MAST3: variants seen among roughly 807,000 people sequenced by gnomAD.
MAST3 encodes microtubule associated serine/threonine kinase 3.
A neutral mutation model predicts 127.0 loss-of-function variants in MAST3; 43 were observed. The observed-to-expected ratio is 0.34, with a 90% CI of 0.27 to 0.44. The LOEUF (loss-of-function observed/expected upper bound fraction) is 0.44. MAST3 is among the 20% of genes least tolerant of loss of function. MAST3 has a pLI of 1.00. For missense variants in MAST3, 1,390 were observed against 1,919.1 expected, an observed-to-expected ratio of 0.72 and a Z score of 5.15; for synonymous variants, 785 against 809.2, an observed-to-expected ratio of 0.97 and a Z score of 0.51.
intron 1 of MAST3, among the ~76,000 whole-genome samples, chr19:18,104,473 G>T (rs981336559): frequency 6.6e-6 from 1 of 152,020 alleles, no homozygotes; most frequent in Non-Finnish European, 1.5e-5. Context: ...CGCCTCTCCC[G>T]GGAGACCTTG....
chr19:18,144,793 G>C lies in MAST3; in HGVS notation c.2812+100G>C. On this transcript the variant is annotated intron_variant, in intron 23 of 27. Transcript: ENST00000687212. This position sits in a 1 kb window ranked among gnomAD's most constrained non-coding sequence, Gnocchi z 4.0. ...TTGGGGAGGCTGGGGATGAGCCCCA[G>C]AAGAGGGGAGGAGGAGTAGGACACA... The C allele has an allele frequency of 2.3e-6, 3 of 1,287,562 alleles. No homozygotes were observed. The highest frequency in any genetic ancestry group is 3.3e-6 in the Non-Finnish European group (3 of 905,496). The allele number at this position is 1,287,562 out of a possible 1,614,324, so 79.8% of individuals were successfully genotyped here.
rs368255405 is a variant in MAST3 at position 18,149,252 on chromosome 19, T to C, written c.3570T>C (p.Ala1190=). ...PSSSSPASPA[A]AGHTRPSSLH... ...CCAGCAGCCCCGCCTCCCCAGCTGC[T>C]GCTGGCCACACCCGCCCCAGCTCCC... Residue 1190 remains alanine (A), a synonymous_variant, in exon 28 of 28, where the codon GCT becomes GCC. Coordinates refer to ENST00000687212, the MANE Select transcript of MAST3 (RefSeq NM_001393504.1). The surrounding 1 kb of genome is among the most constrained non-coding windows in gnomAD (Gnocchi z 5.9). 354 of 1,549,496 alleles carry C rather than the reference T, an allele frequency of 2.3e-4. No homozygotes were observed. The African/African-American group carries it at 4.6e-3, about 20-fold the overall frequency.
rs560450012 is a variant in MAST3, at chr19:18,147,053, G to C, written c.3326+9G>C. 1.0e-5 allele frequency: 16 copies of C among 1,528,426 alleles called. No homozygotes were observed. In the South Asian group the frequency reaches 1.5e-4, roughly 14 times the overall value. 94.7% of individuals were successfully genotyped at this position (1,528,426 alleles called of 1,614,324 possible). The stretch of plus-strand genomic sequence containing the variant: ...GTGACCACCAGGGAGCGGTACACAG[G>C]GGGCGGGGCCACGGGGACTGGGGTT... On this transcript the variant is annotated intron_variant, in intron 26 of 27. Coordinates refer to ENST00000687212, the MANE Select transcript of MAST3 (RefSeq NM_001393504.1).
chr19:18,107,618 G>T lies in MAST3; in HGVS notation c.71G>T (p.Gly24Val). 1 of 1,612,386 alleles carries T rather than the reference G, an allele frequency of 6.2e-7. No homozygotes were observed. The highest frequency in any genetic ancestry group is 8.5e-7 in the Non-Finnish European group (1 of 1,179,222). ...CTGAGCCTGCCACGCCGAGGACGTG[G>T]GTGAGTTCACCTGGGACTGGCGGGC... ...KELSLPRRGR[G>V]LSPSSQSPSL... The change falls in exon 2 of 28, where the codon GGT becomes GTT. Residue 24 changes from glycine to valine, a missense_variant and splice_region_variant. Coordinates refer to ENST00000687212, the MANE Select transcript of MAST3 (RefSeq NM_001393504.1).
rs1197171570 is a variant in MAST3 at position 18,139,062 on chromosome 19, A to G, written c.2143A>G (p.Asn715Asp). ...RHLGSEDDET[N>D]DEESSTEIPQ... The stretch of plus-strand genomic sequence containing the variant: ...TCTGGGCTCCGAGGACGACGAGACC[A>G]ATGATGAAGAATCGTCCACAGAGAT... The change falls in exon 20 of 28, where the codon AAT becomes GAT. Residue 715 changes from asparagine to aspartate, a missense_variant. Physicochemically the swap from Asn to Asp is conservative, Grantham distance 23 (BLOSUM62 1). This residue lies in a region of MAST3 where 816 missense variants were observed against 934.1 expected (regional missense o/e 0.87). Transcript: ENST00000687212. 6.2e-7 allele frequency: 1 copy of G among 1,604,414 alleles called. No individual in the cohort carries two copies. The highest frequency in any genetic ancestry group is 2.3e-5 in the East Asian group (1 of 44,386).
At chr19:18,123,164 G>A (rs1184811425) in intron 6 of MAST3, 53 bp from the exon 7 acceptor site, 8 of 1,599,058 alleles carry the variant, frequency 5.0e-6, no homozygotes, top group Admixed American at 1.7e-5. Flanking sequence ...TGGGTTCCTG[G>A]CCACAGCACT....
intron 1 of MAST3, among the ~76,000 whole-genome samples, chr19:18,101,106 T>C (rs1267239251): frequency 1.3e-5 from 2 of 152,196 alleles, no homozygotes; most frequent in Non-Finnish European, 2.9e-5. Flanking sequence ...TAACGTGAGC[T>C]GTTATTACTA....
chr19:18,136,251 G>C (rs2041882288), intron 18 of MAST3, among the ~76,000 whole-genome samples: 1 of 152,172 alleles, frequency 6.6e-6, no homozygotes, highest in African/African-American at 2.4e-5. Flanking sequence ...CTTTGCTATG[G>C]GAGACGGTTG....
chr19:18,145,285 C>A lies in MAST3; in HGVS notation c.3039+56C>A. ...GGGTTCTAGTTTGACTCTGCCCGGTCATGTCCCTTCTCAGAGCTGCATTTT... is the reference window on the plus strand; with the variant it reads ...GGGTTCTAGTTTGACTCTGCCCGGTAATGTCCCTTCTCAGAGCTGCATTTT... On this transcript the variant is annotated intron_variant, in intron 24 of 27. Transcript: ENST00000687212. The surrounding 1 kb of genome is among the most constrained non-coding windows in gnomAD (Gnocchi z 5.9). 3.9e-6 allele frequency: 6 copies of A among 1,532,448 alleles called. No homozygotes were observed. The highest frequency in any genetic ancestry group is 2.7e-5 in the African/African-American group (2 of 73,300). The allele number at this position is 1,532,448 out of a possible 1,614,324, so 94.9% of individuals were successfully genotyped here.
rs1364245127 is a variant in MAST3, at chr19:18,112,971, A to G, written c.161+2230A>G. Among the ~76,000 whole-genome samples the G allele has an allele frequency of 6.6e-6, 1 of 152,010 alleles. No individual in the cohort carries two copies. Among genetic ancestry groups the G allele is most frequent in the Non-Finnish European group, 1.5e-5 (1 of 67,970 alleles). The stretch of plus-strand genomic sequence containing the variant: ...TAGGACCTCAGAATGTGTTATCAGG[A>G]GCATCCTAGGAAGGTTTCGGGCCAG... On this transcript the variant is annotated intron_variant, in intron 3 of 27. Transcript: ENST00000687212. The surrounding 1 kb of genome is among the most constrained non-coding windows in gnomAD (Gnocchi z 4.1).
At chr19:18,106,575 A>T (rs2038083456) in intron 1 of MAST3, among the ~76,000 whole-genome samples, 2 of 143,668 alleles carry the variant, frequency 1.4e-5, no homozygotes, top group Admixed American at 1.4e-4. Flanking sequence ...TTATTTATTT[A>T]TTTATTTATT....
chr19:18,123,915 G>T, intron 8 of MAST3, 24 bp from the exon 9 acceptor site: 3 of 1,538,984 alleles, frequency 1.9e-6, no homozygotes, highest in South Asian at 2.4e-5. Context: ...CTCTGACCAG[G>T]TCGCCCCGTC....
intron 27 of MAST3, 132 bp downstream of exon 27, chr19:18,147,756 C>A: frequency 1.4e-6 from 1 of 695,944 alleles, no homozygotes; most frequent in South Asian, 1.9e-5. Flanking sequence ...ATCCTGGTGT[C>A]TAGCAGGGAA....
chr19:18,122,121 T>C (rs2040054991), intron 5 of MAST3, 199 bp downstream of exon 5: 1 of 984,870 alleles, frequency 1.0e-6, no homozygotes, highest in Non-Finnish European at 1.2e-6. Context: ...ATCCCACGCA[T>C]GGACAGGTAA....
At chr19:18,142,743 T>G (rs2042636891) in intron 21 of MAST3, among the ~76,000 whole-genome samples, 1 of 148,934 alleles carries the variant, frequency 6.7e-6, no homozygotes, top group Admixed American at 6.7e-5. Flanking sequence ...AGCCTCAGAC[T>G]CCTGGGCTCA....
chr19:18,105,792 A>G (rs1237135727), intron 1 of MAST3, among the ~76,000 whole-genome samples: 1 of 152,194 alleles, frequency 6.6e-6, no homozygotes, highest in Non-Finnish European at 1.5e-5. Context: ...CGGTGAGGGC[A>G]CCCAGAGTTG....
chr19:18,149,130 C>G lies in MAST3; in HGVS notation c.3509-61C>G, dbSNP rs1342165912. ...TTAGCAGTTTTTGTCAGTCCCACAG[C>G]TCCACTTCTGGGCTGGGGACATTGA... On this transcript the variant is annotated intron_variant, in intron 27 of 27. Transcript: ENST00000687212. The surrounding 1 kb of genome is among the most constrained non-coding windows in gnomAD (Gnocchi z 5.9). 10 of 1,413,366 alleles carry G rather than the reference C, an allele frequency of 7.1e-6. No individual in the cohort carries two copies. The highest frequency in any genetic ancestry group is 5.5e-6 in the Non-Finnish European group (6 of 1,084,162). 87.6% of individuals were successfully genotyped at this position (1,413,366 alleles called of 1,614,324 possible). A position where few individuals can be genotyped will look rare whatever the true frequency, so the allele number is the denominator to read the frequency against.
intron 1 of MAST3, 94 bp downstream of exon 1, chr19:18,097,925 G>A: frequency 2.0e-6 from 2 of 1,002,536 alleles, no homozygotes; most frequent in Non-Finnish European, 2.6e-6. Context: ...TTCACGGGCT[G>A]TAGGGAAACT....
Position 18,128,382 on chromosome 19 carries a change from T to G in MAST3, c.1079-18T>G, listed in dbSNP as rs1416923227. 1 of 1,542,282 alleles carries G rather than the reference T, an allele frequency of 6.5e-7. No individual in the cohort carries two copies. The highest frequency in any genetic ancestry group is 2.0e-5 in the Admixed American group (1 of 50,934). ...GAGGCAGGGAGGCTCCAGCTGAGCC[T>G]CCTCCCTCATCTTGCAGAGATGGTG... is the stretch of plus-strand genomic sequence containing the variant. On this transcript the variant is annotated intron_variant, in intron 11 of 27. Coordinates refer to ENST00000687212, the MANE Select transcript of MAST3 (RefSeq NM_001393504.1).
Sources: allele counts gnomAD v4.1 joint callset (sites outside exome capture counted in the v4.1 genomes callset), GRCh38; gene constraint gnomAD v4.1.1; regional missense constraint gnomAD v4.1.1; non-coding constraint Gnocchi (gnomAD v3.1); transcripts MANE v1.5; gene names NCBI Gene and HGNC (gene_info 2026-07-23, HGNC 2026-07-21).